Variants in TJP1 observed in about 807,000 individuals in gnomAD.
The protein encoded by TJP1 is tight junction protein ZO-1.
TJP1 carries 43 observed loss-of-function variants against 194.2 expected under a neutral mutation model. The ratio of observed to expected loss-of-function variants is 0.22; its 90% CI spans 0.17 to 0.29. The LOEUF (loss-of-function observed/expected upper bound fraction) is 0.29. TJP1 is among the 10% of genes least tolerant of loss of function. The pLI, the probability that TJP1 is intolerant of heterozygous loss-of-function variation, is 1.00. For missense variants in TJP1, 1,971 were observed against 2,185.7 expected (o/e 0.90, Z 1.96); for synonymous variants, 801 against 779.0 (o/e 1.03, Z -0.47).
At chr15:29,857,717 C>T (rs1162386061) in intron 2 of TJP1, among the ~76,000 whole-genome samples, 1 of 152,110 alleles carries the variant, frequency 6.6e-6, no homozygotes, top group African/African-American at 2.4e-5. Context: ...TGGGTTTCTT[C>T]TCTTACTTAA....
chr15:29,869,425 G>C (rs141772080), intron 2 of TJP1, among the ~76,000 whole-genome samples: 4 of 152,174 alleles, frequency 2.6e-5, no homozygotes, highest in Non-Finnish European at 5.9e-5. Flanking sequence ...TGTGTTAGAC[G>C]TGACATCTCT....
At chr15:29,746,115 A>G (rs898223230) in intron 8 of TJP1, among the ~76,000 whole-genome samples, 1 of 152,230 alleles carries the variant, frequency 6.6e-6, no homozygotes, top group Admixed American at 6.5e-5. Flanking sequence ...GCAGTGGCTC[A>G]CGCCTGTAAT....
At chr15:29,895,852 C>T (rs757817806) in intron 2 of TJP1, among the ~76,000 whole-genome samples, 8 of 152,164 alleles carry the variant, frequency 5.3e-5, no homozygotes, top group African/African-American at 1.7e-4. Context: ...TTATAAACAA[C>T]AGTTATTTAT....
At chr15:29,932,196 G>C (rs2054739935) in intron 2 of TJP1, among the ~76,000 whole-genome samples, 1 of 152,196 alleles carries the variant, frequency 6.6e-6, no homozygotes, top group Non-Finnish European at 1.5e-5. Flanking sequence ...ATTCAAGATG[G>C]AGTTGCTCTG....
At chr15:29,771,765 A>G (rs2046697693) in intron 4 of TJP1, among the ~76,000 whole-genome samples, 2 of 151,338 alleles carry the variant, frequency 1.3e-5, no homozygotes, top group Admixed American at 6.6e-5. Flanking sequence ...AGACCGTACC[A>G]CTGCACTCCA....
chr15:29,732,177 G>C, intron 15 of TJP1: 1 of 458,256 alleles, frequency 2.2e-6, no homozygotes, highest in Non-Finnish European at 3.9e-6. Context: ...ATGACTGGGA[G>C]GATTCAATGA....
chr15:29,742,006 T>TG (rs1442428267), intron 9 of TJP1, among the ~76,000 whole-genome samples: 3 of 152,140 alleles, frequency 2.0e-5, no homozygotes, highest in African/African-American at 7.2e-5. Context: ...GAGGACTGTT[T>TG]GAGGCCAGGA....
At chr15:29,933,337 G>A (rs1366630479) in intron 2 of TJP1, among the ~76,000 whole-genome samples, 1 of 152,128 alleles carries the variant, frequency 6.6e-6, no homozygotes, top group Admixed American at 6.5e-5. Context: ...ATTGTAGGAA[G>A]AAAATAAGAG....
chr15:29,915,481 C>T (rs1215303927), intron 2 of TJP1, among the ~76,000 whole-genome samples: 1 of 152,188 alleles, frequency 6.6e-6, no homozygotes, highest in Non-Finnish European at 1.5e-5. Flanking sequence ...AAAATCATTG[C>T]TCTGTTACTG....
rs372698572 is a variant in TJP1, at chr15:29,869,457, C to A, written c.307-68755G>T. On this transcript the variant is annotated intron_variant, in intron 2 of 28. Coordinates refer to the TJP1 transcript ENST00000356107. ...CTCTGGGAGATTTGGCAGTGTTTAT[C>A]AAAATTTAGAAAACATGTATCTCAG... Among the ~76,000 whole-genome samples the A allele has an allele frequency of 3.9e-5, 6 of 152,274 alleles. No homozygotes were observed. The South Asian group carries it at 1.2e-3, about 32-fold the overall frequency.
intron 2 of TJP1, among the ~76,000 whole-genome samples, chr15:29,785,878 G>A (rs544627339): frequency 2.6e-5 from 4 of 152,270 alleles, no homozygotes; most frequent in Non-Finnish European, 5.9e-5. Flanking sequence ...CAGCAGGCCT[G>A]GGTCCTGTGT....
At chr15:29,726,760 G>A (rs747705605) in intron 17 of TJP1, 21 bp downstream of exon 17, 8 of 1,606,386 alleles carry the variant, frequency 5.0e-6, no homozygotes, top group Non-Finnish European at 6.8e-6. Context: ...GCTGAAAGAA[G>A]GCCTTTATTA....
intron 4 of TJP1, among the ~76,000 whole-genome samples, chr15:29,767,420 T>TCTTAG (rs1184593636): frequency 2.0e-5 from 3 of 152,184 alleles, no homozygotes; most frequent in Non-Finnish European, 2.9e-5. Context: ...AATTCCTTCA[T>TCTTAG]CTTAGTTCAT....
chr15:29,737,603 A>T (rs993060601), intron 10 of TJP1, among the ~76,000 whole-genome samples, 189 bp from the exon 11 acceptor site: 3 of 152,208 alleles, frequency 2.0e-5, no homozygotes, highest in African/African-American at 7.2e-5. Flanking sequence ...CTATTTTCTG[A>T]TTAACAGTTT....
chr15:29,718,360 G>A lies in TJP1; in HGVS notation c.3782C>T (p.Pro1261Leu), dbSNP rs1196145799. The A allele has an allele frequency of 6.2e-7, 1 of 1,613,984 alleles. No homozygotes were observed. Among genetic ancestry groups the A allele is most frequent in the Admixed American group, 1.7e-5 (1 of 59,986 alleles). ...TEEEEDPAMK[P>L]QSVLTRVKMF... Reference sequence around the variant, plus strand: ...CTTAACTCTGGTGAGTACAGACTGTGGCTTCATTGCTGGATCTTCCTCTTC... The same window carrying A: ...CTTAACTCTGGTGAGTACAGACTGTAGCTTCATTGCTGGATCTTCCTCTTC... The change falls in exon 21 of 28, where the codon CCA (proline) becomes CTA (leucine). Residue 1261 changes from proline to leucine, a missense_variant. Pro to Leu is a moderately conservative substitution (Grantham distance 98). Around this residue, in one of 5 missense-constraint regions of TJP1, gnomAD observed 1,108 missense variants for 1,128.5 expected, o/e 0.98. Transcript: ENST00000614355.
intron 8 of TJP1, among the ~76,000 whole-genome samples, chr15:29,751,841 T>C (rs760856456): frequency 6.6e-6 from 1 of 152,212 alleles, no homozygotes; most frequent in Non-Finnish European, 1.5e-5. Flanking sequence ...GTTTTTAAAT[T>C]TGCCATTTTT....
At position 29,772,210 on chromosome 15, in the gene TJP1, T is replaced by G. The variant is rs756698282; in HGVS notation, c.210-44A>C. 4 of 1,221,788 alleles carry G rather than the reference T, an allele frequency of 3.3e-6. No individual in the cohort carries two copies. The East Asian group carries it at 9.8e-5, about 30-fold the overall frequency. The allele number at this position is 1,221,788 out of a possible 1,614,324, so 75.7% of individuals were successfully genotyped here. ...AAAATAATATGTTAGAGAAAAACAT[T>G]CTGGTAAGTTTATGATGATATTTCC... On this transcript the variant is annotated intron_variant, in intron 3 of 27. Coordinates refer to ENST00000614355, the MANE Select transcript of TJP1 (RefSeq NM_001330239.4).
At chr15:29,946,937 T>C (rs1483407196) in intron 2 of TJP1, among the ~76,000 whole-genome samples, 2 of 152,314 alleles carry the variant, frequency 1.3e-5, no homozygotes, top group African/African-American at 4.8e-5. Context: ...CAATTTGTCC[T>C]AGATAGACAA....
At chr15:29,932,112 T>C (rs879507946) in intron 2 of TJP1, among the ~76,000 whole-genome samples, 14 of 152,196 alleles carry the variant, frequency 9.2e-5, no homozygotes, top group Non-Finnish European at 2.1e-4. Flanking sequence ...TCCTGTCTCA[T>C]CCTGTGACTT....
Sources: gnomAD v4.1 joint callset for allele counts (sites outside exome capture counted in the v4.1 genomes callset) on GRCh38, gnomAD v4.1.1 for gene constraint, gnomAD v4.1.1 regional missense constraint, MANE v1.5 for transcripts, NCBI Gene and HGNC (gene_info 2026-07-23, HGNC 2026-07-21) for gene names.